Variants in TTC28 observed in about 807,000 individuals in gnomAD.
TTC28 encodes the protein tetratricopeptide repeat protein 28.
In TTC28, 61 loss-of-function variants were observed where a neutral mutation model predicts 198.0. The observed-to-expected ratio is 0.31, with a 90% CI of 0.25 to 0.38. TTC28 has a LOEUF of 0.38. Ranked by LOEUF, TTC28 falls within the 10% of genes least tolerant of loss-of-function variation. The pLI is 1.00. For synonymous variants in TTC28, 1,171 were observed against 1,297.8 expected, an observed-to-expected ratio of 0.90 and a Z score of 2.10; for missense variants, 2,678 against 3,164.0, an observed-to-expected ratio of 0.85 and a Z score of 3.69.
chr22:28,185,833 T>C (rs2147114857), intron 5 of TTC28, among the ~76,000 whole-genome samples: 1 of 152,280 alleles, frequency 6.6e-6, no homozygotes, highest in South Asian at 2.1e-4. Flanking sequence ...GAAACAAATA[T>C]TAAATGACTG....
At chr22:28,367,492 C>T (rs5762573) in intron 2 of TTC28, among the ~76,000 whole-genome samples, 148,800 of 152,030 alleles carry the variant, frequency 0.98, 72,818 homozygotes, top group East Asian at 0.99. Flanking sequence ...GAAGAAAAAC[C>T]TCAAATAAAT....
At chr22:28,172,496 C>T (rs1167918922) in intron 5 of TTC28, among the ~76,000 whole-genome samples, 2 of 152,186 alleles carry the variant, frequency 1.3e-5, no homozygotes, top group Non-Finnish European at 2.9e-5. Context: ...TATGGCAACT[C>T]CAAATGATAG....
chr22:28,304,209 C>CGGGAGGCGGAGCTTGCA (rs1442926219), intron 3 of TTC28, among the ~76,000 whole-genome samples: 3 of 151,620 alleles, frequency 2.0e-5, no homozygotes, highest in Admixed American at 6.6e-5. Flanking sequence ...GGCGTGAACC[C>CGGGAGGCGGAGCTTGCA]GGGAGGCGGA....
intron 12 of TTC28, among the ~76,000 whole-genome samples, chr22:28,062,758 TTG>T (rs573975613): frequency 1.4e-3 from 213 of 152,336 alleles, no homozygotes; most frequent in Middle Eastern, 3.4e-3. Flanking sequence ...AGAATTTCCA[TTG>T]TGTTCTTTTT....
At chr22:27,990,081 T>C in intron 20 of TTC28, 74 bp from the exon 21 acceptor site, 1 of 1,499,348 alleles carries the variant, frequency 6.7e-7, no homozygotes, top group Non-Finnish European at 9.0e-7. Flanking sequence ...CGACCCATTA[T>C]TCTTATGTCA....
chr22:28,547,083 G>A (rs767092257), intron 2 of TTC28, among the ~76,000 whole-genome samples: 68 of 152,078 alleles, frequency 4.5e-4, no homozygotes, highest in Admixed American at 5.9e-4. Flanking sequence ...CTGATTGCAC[G>A]GGTTCATTTG....
intron 12 of TTC28, 22 bp from the exon 13 acceptor site, chr22:28,030,388 A>G (rs774351820): frequency 2.8e-5 from 43 of 1,551,264 alleles, no homozygotes; most frequent in Non-Finnish European, 3.7e-5. Context: ...ATTGCAGAAA[A>G]AGCCAATCAG....
intron 2 of TTC28, among the ~76,000 whole-genome samples, chr22:28,588,151 A>AC (rs2050354181): frequency 6.8e-6 from 1 of 147,078 alleles, no homozygotes; most frequent in East Asian, 2.0e-4. Flanking sequence ...CAAAAAAAAA[A>AC]ACAAACAAAC....
intron 8 of TTC28, among the ~76,000 whole-genome samples, chr22:28,102,605 C>T (rs530000352): frequency 6.6e-6 from 1 of 152,200 alleles, no homozygotes; most frequent in African/African-American, 2.4e-5. Context: ...CACCGTACAA[C>T]TGCACACACA....
intron 5 of TTC28, among the ~76,000 whole-genome samples, chr22:28,271,991 G>A (rs950126353): frequency 2.6e-5 from 4 of 152,028 alleles, no homozygotes; most frequent in South Asian, 4.2e-4. Context: ...TTTGCCTTCC[G>A]CCATGATTGT....
rs537334744 is a variant in TTC28 at position 28,490,361 on chromosome 22, G to A, written c.381+139191C>T. Reference sequence around the variant, plus strand: ...ACCCCCATTGCTCTGCTCTGTAGTCGTCATTCAGGGATGCAGGCTTCAAGA... The same window carrying A: ...ACCCCCATTGCTCTGCTCTGTAGTCATCATTCAGGGATGCAGGCTTCAAGA... On this transcript the variant is annotated intron_variant, in intron 2 of 22. Coordinates refer to ENST00000397906, the MANE Select transcript of TTC28 (RefSeq NM_001145418.2). 4.3e-4 allele frequency among the ~76,000 whole-genome samples: 65 copies of A among 152,178 alleles called. No individual in the cohort carries two copies. The South Asian group carries it at 0.011, about 25-fold the overall frequency.
At chr22:27,985,040 G>A (rs1937163418) in intron 22 of TTC28, among the ~76,000 whole-genome samples, 1 of 152,198 alleles carries the variant, frequency 6.6e-6, no homozygotes, top group African/African-American at 2.4e-5. Flanking sequence ...GCTTGAGCAC[G>A]TGCCAGCACC....
At chr22:27,999,359 G>T in intron 15 of TTC28, 99 bp from the exon 16 acceptor site, 1 of 1,441,926 alleles carries the variant, frequency 6.9e-7, no homozygotes. Context: ...CTCTCTGCTG[G>T]TTGAGCTTGA....
chr22:28,340,962 A>G (rs935288405), intron 2 of TTC28, among the ~76,000 whole-genome samples: 1 of 152,244 alleles, frequency 6.6e-6, no homozygotes, highest in Non-Finnish European at 1.5e-5. Context: ...CATTAAAGAT[A>G]CCCTGAAATA....
intron 2 of TTC28, among the ~76,000 whole-genome samples, chr22:28,341,214 T>G (rs2045823040): frequency 6.6e-6 from 1 of 152,188 alleles, no homozygotes; most frequent in Non-Finnish European, 1.5e-5. Flanking sequence ...GAGACAAATA[T>G]ATCAAAACAA....
chr22:28,302,331 G>A (rs1257335108), intron 3 of TTC28, among the ~76,000 whole-genome samples: 3 of 152,176 alleles, frequency 2.0e-5, no homozygotes, highest in Non-Finnish European at 4.4e-5. Flanking sequence ...TGCTCATAAA[G>A]AGGACCTTAG....
intron 5 of TTC28, among the ~76,000 whole-genome samples, chr22:28,196,072 C>G (rs1925304926): frequency 6.6e-6 from 1 of 151,884 alleles, no homozygotes; most frequent in South Asian, 2.1e-4. Flanking sequence ...CAGCATGGTA[C>G]TGGTACCAAA....
intron 2 of TTC28, among the ~76,000 whole-genome samples, chr22:28,329,923 C>T (rs2045589380): frequency 6.6e-6 from 1 of 152,158 alleles, no homozygotes; most frequent in Non-Finnish European, 1.5e-5. Context: ...TGACAATTTG[C>T]ACTTATTTTC....
At chr22:28,218,661 T>G (rs1927601597) in intron 5 of TTC28, among the ~76,000 whole-genome samples, 1 of 152,204 alleles carries the variant, frequency 6.6e-6, no homozygotes, top group South Asian at 2.1e-4. Flanking sequence ...TTAGTTGGTA[T>G]GCAACACAGG....
Sources: gnomAD v4.1 joint callset for allele counts (sites outside exome capture counted in the v4.1 genomes callset) on GRCh38, gnomAD v4.1.1 for gene constraint, MANE v1.5 for transcripts, NCBI Gene and HGNC (gene_info 2026-07-23, HGNC 2026-07-21) for gene names.